Variants in RABL3 observed in about 807,000 individuals in gnomAD.
The protein encoded by RABL3 is RAB, member of RAS oncogene family like 3.
A neutral mutation model predicts 31.8 loss-of-function variants in RABL3; 31 were observed. That is an observed-to-expected ratio of 0.97 (90% CI 0.73 to 1.31). The LOEUF (loss-of-function observed/expected upper bound fraction) is 1.31, where lower values mean the gene tolerates loss of function less well. Among genes scored for constraint, RABL3 ranks in the 40% most tolerant of loss-of-function variants. RABL3 has a pLI of 0.00. For missense variants in RABL3, 263 were observed against 279.6 expected, an observed-to-expected ratio of 0.94 and a Z score of 0.42; for synonymous variants, 97 against 99.9, an observed-to-expected ratio of 0.97 and a Z score of 0.18.
intron 3 of RABL3, among the ~76,000 whole-genome samples, chr3:120,706,911 T>G (rs549340823): frequency 6.6e-6 from 1 of 152,146 alleles, no homozygotes; most frequent in Non-Finnish European, 1.5e-5. Flanking sequence ...GAGAATCAAT[T>G]AAAATCCTAG....
At chr3:120,691,451 T>C (rs1055945976) in intron 6 of RABL3, among the ~76,000 whole-genome samples, 6 of 152,140 alleles carry the variant, frequency 3.9e-5, no homozygotes, top group African/African-American at 1.4e-4. Flanking sequence ...TCACTTTCAG[T>C]ATAGTATTCA....
chr3:120,712,513 C>T (rs779693252), intron 2 of RABL3, among the ~76,000 whole-genome samples: 9 of 152,096 alleles, frequency 5.9e-5, no homozygotes, highest in Admixed American at 2.6e-4. Context: ...AAAAGCTCAG[C>T]GACTTCAGTT....
Position 120,742,486 on chromosome 3 carries a change from T to C in RABL3, c.22A>G (p.Lys8Glu), listed in dbSNP as rs751383106. 4.3e-6 allele frequency: 7 copies of C among 1,614,174 alleles called. No homozygotes were observed. Among genetic ancestry groups the C allele is most frequent in the East Asian group, 2.2e-5 (1 of 44,864 alleles). MASLDRV[K>E]VLVLGDSGVG... Reference sequence around the variant, plus strand: ...CCTGAGTCTCCCAACACCAGTACCTTCACCCGATCCAGGGACGCCATCTTG... The same window carrying C: ...CCTGAGTCTCCCAACACCAGTACCTCCACCCGATCCAGGGACGCCATCTTG... Residue 8 changes from lysine to glutamate, a missense_variant, in exon 1 of 8, where the codon AAG becomes GAG. Coordinates refer to ENST00000273375, the MANE Select transcript of RABL3 (RefSeq NM_173825.5).
At chr3:120,698,658 A>T in intron 4 of RABL3, 85 bp from the exon 5 acceptor site, 1 of 1,136,818 alleles carries the variant, frequency 8.8e-7, no homozygotes, top group Non-Finnish European at 1.2e-6. Flanking sequence ...AAGTTACACT[A>T]TTTTACTGAA....
chr3:120,724,188 T>TC (rs1269196560), intron 2 of RABL3, among the ~76,000 whole-genome samples: 4 of 152,186 alleles, frequency 2.6e-5, no homozygotes, highest in East Asian at 3.9e-4. Flanking sequence ...ATGAGTGAAC[T>TC]CCCATTCACA....
intron 1 of RABL3, among the ~76,000 whole-genome samples, chr3:120,740,644 G>C (rs1365059230): frequency 2.0e-5 from 3 of 152,222 alleles, no homozygotes; most frequent in African/African-American, 7.2e-5. Flanking sequence ...TTTCGGGTTT[G>C]AAAGAAAGGC....
chr3:120,737,600 T>C (rs531107463), intron 1 of RABL3, among the ~76,000 whole-genome samples: 1 of 152,382 alleles, frequency 6.6e-6, no homozygotes, highest in East Asian at 1.9e-4. Context: ...AGAGGTGCTC[T>C]GATTTTTAGA....
intron 6 of RABL3, 49 bp downstream of exon 6, chr3:120,694,104 C>T (rs1708409630): frequency 7.9e-7 from 1 of 1,268,190 alleles, no homozygotes; most frequent in Admixed American, 2.0e-5. Context: ...ATTTTAAACT[C>T]TCATAATATA....
At position 120,688,026 on chromosome 3, in the gene RABL3, A is replaced by G. The variant is rs1342049017; in HGVS notation, c.*1797T>C. The G allele has an allele frequency of 2.6e-5, 4 of 152,064 alleles. No homozygotes were observed. Among genetic ancestry groups the G allele is most frequent in the Non-Finnish European group, 4.4e-5 (3 of 68,024 alleles). 9.4% of individuals were successfully genotyped at this position (152,064 alleles called of 1,614,324 possible). On this transcript the variant is annotated 3_prime_UTR_variant, in exon 8 of 8. Transcript: ENST00000273375. ...TGGCCAGGCTGGTCTCAAACTCCTG[A>G]TATCAAGTGATCGACCCGCCTCCCA...
At chr3:120,724,255 C>A (rs1008431127) in intron 2 of RABL3, among the ~76,000 whole-genome samples, 1 of 152,114 alleles carries the variant, frequency 6.6e-6, no homozygotes, top group African/African-American at 2.4e-5. Context: ...ATGTGAAGGA[C>A]CTCTTCAAGG....
rs554200213 is a variant in RABL3, at chr3:120,723,342, G to A, written c.138+7354C>T. The stretch of plus-strand genomic sequence containing the variant: ...AGCAAAAAAAGTCCAGGACCAGATG[G>A]ATTCACAGCCAAATTCCACCAGAGG... On this transcript the variant is annotated intron_variant, in intron 2 of 7. Coordinates refer to ENST00000273375, the MANE Select transcript of RABL3 (RefSeq NM_173825.5). Among the ~76,000 whole-genome samples the A allele has an allele frequency of 3.9e-5, 6 of 152,276 alleles. No homozygotes were observed. In the South Asian group the frequency reaches 1.2e-3, roughly 32 times the overall value.
At chr3:120,699,899 G>A (rs1708476397) in intron 4 of RABL3, among the ~76,000 whole-genome samples, 1 of 152,214 alleles carries the variant, frequency 6.6e-6, no homozygotes, top group South Asian at 2.1e-4. Flanking sequence ...GCTACAATTC[G>A]CTTTGTTAGG....
intron 2 of RABL3, among the ~76,000 whole-genome samples, chr3:120,720,119 A>G (rs1042947213): frequency 1.3e-5 from 2 of 152,264 alleles, no homozygotes; most frequent in African/African-American, 4.8e-5. Context: ...TCTGCAGCTG[A>G]GGGTCCTGAC....
chr3:120,738,373 G>C (rs970251504), intron 1 of RABL3, among the ~76,000 whole-genome samples: 1 of 152,172 alleles, frequency 6.6e-6, no homozygotes, highest in African/African-American at 2.4e-5. Context: ...AGGGTGGGAG[G>C]GACCCAATTT....
intron 4 of RABL3, among the ~76,000 whole-genome samples, chr3:120,700,374 C>T (rs1039216378): frequency 6.6e-6 from 1 of 151,828 alleles, no homozygotes; most frequent in African/African-American, 2.4e-5. Flanking sequence ...AAAGACAATA[C>T]AGGGAGACAA....
At chr3:120,708,845 T>C (rs1162610708) in intron 3 of RABL3, among the ~76,000 whole-genome samples, 1 of 152,044 alleles carries the variant, frequency 6.6e-6, no homozygotes, top group Non-Finnish European at 1.5e-5. Context: ...AACTGACACA[T>C]CTCATTCTGT....
At chr3:120,724,393 C>T (rs892747399) in intron 2 of RABL3, among the ~76,000 whole-genome samples, 21 of 152,166 alleles carry the variant, frequency 1.4e-4, no homozygotes, top group African/African-American at 4.3e-4. Context: ...TTTATAGATT[C>T]AATGCCATCC....
At chr3:120,732,194 T>G (rs1708891966) in intron 1 of RABL3, among the ~76,000 whole-genome samples, 1 of 152,254 alleles carries the variant, frequency 6.6e-6, no homozygotes, top group Non-Finnish European at 1.5e-5. Context: ...CATAAGCGTC[T>G]GCTTCCATAG....
chr3:120,709,666 A>AGT, intron 3 of RABL3, 114 bp downstream of exon 3: 1 of 741,956 alleles, frequency 1.3e-6, no homozygotes. Flanking sequence ...AAGGGTTGTG[A>AGT]GTACATTATA....
Sources: allele counts gnomAD v4.1 joint callset (sites outside exome capture counted in the v4.1 genomes callset), GRCh38; gene constraint gnomAD v4.1.1; transcripts MANE v1.5; gene names NCBI Gene and HGNC (gene_info 2026-07-23, HGNC 2026-07-21).